Variants in ZNF385B observed in about 807,000 individuals in gnomAD.
ZNF385B encodes the protein zinc finger protein 385B.
ZNF385B carries 23 observed loss-of-function variants against 39.2 expected under a neutral mutation model. The observed-to-expected ratio is 0.59, with a 90% CI of 0.42 to 0.83. ZNF385B has a LOEUF of 0.83. Ranked by LOEUF, ZNF385B falls within the 40% of genes least tolerant of loss-of-function variation. The pLI is 0.00. For missense variants in ZNF385B, 552 were observed against 598.9 expected (o/e 0.92, Z 0.82); for synonymous variants, 205 against 222.6 (o/e 0.92, Z 0.70).
chr2:179,517,460 T>C (rs2058170046), intron 5 of ZNF385B, among the ~76,000 whole-genome samples: 1 of 149,970 alleles, frequency 6.7e-6, no homozygotes, highest in Non-Finnish European at 1.5e-5. Context: ...CATTGGACTT[T>C]TGATTAAAAT....
At chr2:179,479,791 A>G (rs2105575162) in intron 6 of ZNF385B, among the ~76,000 whole-genome samples, 1 of 152,240 alleles carries the variant, frequency 6.6e-6, no homozygotes, top group East Asian at 1.9e-4. Context: ...GTGAGCCAAG[A>G]TGACACCACT....
intron 3 of ZNF385B, among the ~76,000 whole-genome samples, chr2:179,647,607 G>C (rs568475158): frequency 1.6e-4 from 24 of 152,260 alleles, no homozygotes; most frequent in African/African-American, 5.8e-4. Context: ...GCAGGTATGT[G>C]GCTAGGAGTT....
chr2:179,576,631 G>A (rs1685850972), intron 3 of ZNF385B, among the ~76,000 whole-genome samples: 1 of 152,124 alleles, frequency 6.6e-6, no homozygotes, highest in Admixed American at 6.6e-5. Context: ...TTCTATAAGT[G>A]CACAATCATA....
rs1553602966 is a variant in ZNF385B, at chr2:179,540,504, A to AAAC, written c.441+4322_441+4323insGTT. Among the ~76,000 whole-genome samples, 119 of 152,128 alleles carry AAAC rather than the reference A, an allele frequency of 7.8e-4. 1 individual carries two copies. Among genetic ancestry groups the AAAC allele is most frequent in the African/African-American group, 2.6e-3 (109 of 41,486 alleles). On this transcript the variant is annotated intron_variant, in intron 4 of 9. Coordinates refer to ENST00000410066, the MANE Select transcript of ZNF385B (RefSeq NM_152520.6). ...AACAACAACAACAACAACAAAAAAA[A>AAAC]CCACAGTTTTCAGGAAAATATAAAT...
chr2:179,836,808 G>A (rs1308877216), intron 1 of ZNF385B, among the ~76,000 whole-genome samples: 1 of 152,096 alleles, frequency 6.6e-6, no homozygotes, highest in East Asian at 1.9e-4. Flanking sequence ...GTGAGCCACC[G>A]CGCACGGCCT....
At chr2:179,596,391 C>G (rs1239209811) in intron 3 of ZNF385B, among the ~76,000 whole-genome samples, 1 of 152,126 alleles carries the variant, frequency 6.6e-6, no homozygotes. Flanking sequence ...TTTGTAGTCT[C>G]CCTGTTCCTT....
chr2:179,705,175 C>G (rs1699496776), intron 3 of ZNF385B, among the ~76,000 whole-genome samples: 1 of 152,156 alleles, frequency 6.6e-6, no homozygotes, highest in African/African-American at 2.4e-5. Context: ...CCAAAGGAAG[C>G]CTAGATCTCT....
chr2:179,728,337 C>T (rs1701154141), intron 3 of ZNF385B, among the ~76,000 whole-genome samples: 1 of 152,076 alleles, frequency 6.6e-6, no homozygotes, highest in Non-Finnish European at 1.5e-5. Flanking sequence ...AAAAGTGGCT[C>T]TTAAAGGATA....
At chr2:179,769,387 G>T in intron 3 of ZNF385B, 116 bp downstream of exon 3, 1 of 1,460,794 alleles carries the variant, frequency 6.8e-7, no homozygotes, top group Non-Finnish European at 9.1e-7. Flanking sequence ...AAGAGTACAT[G>T]TTATCATGGT....
intron 3 of ZNF385B, among the ~76,000 whole-genome samples, chr2:179,607,887 A>C (rs1574966724): frequency 6.6e-6 from 1 of 151,030 alleles, no homozygotes; most frequent in East Asian, 1.9e-4. Context: ...TTGAGACACA[A>C]ACTTTGTCTT....
chr2:179,663,076 G>A (rs1456651374), intron 3 of ZNF385B, among the ~76,000 whole-genome samples: 1 of 152,118 alleles, frequency 6.6e-6, no homozygotes, highest in East Asian at 1.9e-4. Context: ...TTTTGCCTAA[G>A]GCCAATTACT....
intron 3 of ZNF385B, among the ~76,000 whole-genome samples, chr2:179,602,985 A>G (rs1371988263): frequency 6.6e-6 from 1 of 152,248 alleles, no homozygotes; most frequent in Non-Finnish European, 1.5e-5. Flanking sequence ...CTAAAGATCA[A>G]TATAATTCCA....
At chr2:179,566,086 A>G (rs1684538825) in intron 3 of ZNF385B, among the ~76,000 whole-genome samples, 1 of 152,224 alleles carries the variant, frequency 6.6e-6, no homozygotes, top group African/African-American at 2.4e-5. Context: ...AGGGAATAGC[A>G]TCTGTGTTTT....
At chr2:179,449,357 G>T (rs1420105008) in intron 6 of ZNF385B, among the ~76,000 whole-genome samples, 1 of 152,030 alleles carries the variant, frequency 6.6e-6, no homozygotes, top group Non-Finnish European at 1.5e-5. Flanking sequence ...GAAGGCCATC[G>T]TCTCAGCCCA....
Position 179,443,428 on chromosome 2 carries a change from G to C in ZNF385B, c.1283C>G (p.Ala428Gly). 1 of 1,609,366 alleles carries C rather than the reference G, an allele frequency of 6.2e-7. No homozygotes were observed. Among genetic ancestry groups the C allele is most frequent in the Non-Finnish European group, 8.5e-7 (1 of 1,177,866 alleles). Residue 428 changes from alanine to glycine, a missense_variant, in exon 10 of 10, where the codon GCC becomes GGC. Physicochemically the swap from Ala to Gly is moderately conservative, Grantham distance 60. Transcript: ENST00000410066. ...AFQKDMMKPL[A>G]PAFLSSPLAA... is the part of the protein sequence containing the mutation. ...GAGAGGTGAGGACAGGAAGGCTGGG[G>C]CCAAAGGCTTCATCATATCTTTCTG... is the stretch of plus-strand genomic sequence containing the variant.
chr2:179,452,690 T>C (rs2050275685), intron 6 of ZNF385B, among the ~76,000 whole-genome samples: 1 of 152,152 alleles, frequency 6.6e-6, no homozygotes. Flanking sequence ...ACATATTTTA[T>C]ACAATAAATT....
chr2:179,662,827 T>G (rs556218749), intron 3 of ZNF385B, among the ~76,000 whole-genome samples: 1 of 152,332 alleles, frequency 6.6e-6, no homozygotes, highest in African/African-American at 2.4e-5. Flanking sequence ...GATAAACTTT[T>G]TCTAGTTTTT....
chr2:179,460,714 T>A (rs2051238284), intron 6 of ZNF385B, among the ~76,000 whole-genome samples: 1 of 152,118 alleles, frequency 6.6e-6, no homozygotes, highest in South Asian at 2.1e-4. Context: ...ACTCAACCAG[T>A]CCTGTGGTCC....
At chr2:179,458,683 A>G (rs2050971059) in intron 6 of ZNF385B, among the ~76,000 whole-genome samples, 2 of 152,162 alleles carry the variant, frequency 1.3e-5, no homozygotes, top group South Asian at 2.1e-4. Flanking sequence ...CTCTACCAAG[A>G]AAAGAAGGAA....
Sources: allele counts gnomAD v4.1 joint callset (sites outside exome capture counted in the v4.1 genomes callset), GRCh38; gene constraint gnomAD v4.1.1; transcripts MANE v1.5; gene names NCBI Gene and HGNC (gene_info 2026-07-23, HGNC 2026-07-21).